DYSF: variants seen among roughly 807,000 people sequenced by gnomAD.
DYSF encodes the protein dystrophy-associated fer-1-like 1.
In DYSF, 212 loss-of-function variants were observed where a neutral mutation model predicts 274.9. That is an observed-to-expected ratio of 0.77 (90% CI 0.69 to 0.86). DYSF has a LOEUF of 0.86. Ranked by LOEUF, DYSF falls within the 40% of genes least tolerant of loss-of-function variation. DYSF has a pLI of 0.00. For missense variants in DYSF, 2,666 were observed against 2,783.2 expected, an observed-to-expected ratio of 0.96 and a Z score of 0.95; for synonymous variants, 1,091 against 1,078.7, an observed-to-expected ratio of 1.01 and a Z score of -0.22.
intron 22 of DYSF, among the ~76,000 whole-genome samples, chr2:71,556,630 A>G (rs2091360715): frequency 6.6e-6 from 1 of 152,178 alleles, no homozygotes; most frequent in African/African-American, 2.4e-5. Flanking sequence ...CTACTTTATA[A>G]TATCTTCTAA....
chr2:71,648,333 G>C (rs894007206), intron 42 of DYSF, among the ~76,000 whole-genome samples: 1 of 152,116 alleles, frequency 6.6e-6, no homozygotes, highest in Non-Finnish European at 1.5e-5. Context: ...AGATGAAAAC[G>C]TGAAGTTGGA....
chr2:71,678,568 G>A (rs1307504130), intron 52 of DYSF, among the ~76,000 whole-genome samples: 1 of 152,130 alleles, frequency 6.6e-6, no homozygotes, highest in African/African-American at 2.4e-5. Context: ...TGGGTGCAGA[G>A]TTTTTGTTTG....
At chr2:71,530,770 T>A (rs920140936) in intron 14 of DYSF, among the ~76,000 whole-genome samples, 1 of 152,178 alleles carries the variant, frequency 6.6e-6, no homozygotes, top group African/African-American at 2.4e-5. Context: ...GCTGCTCTTA[T>A]GGCGTGTCTC....
intron 17 of DYSF, 124 bp downstream of exon 17, chr2:71,539,363 C>T: frequency 1.3e-6 from 1 of 794,998 alleles, no homozygotes; most frequent in African/African-American, 1.7e-5. Context: ...CTCTGTTGCC[C>T]ATTTTCCACT....
intron 17 of DYSF, among the ~76,000 whole-genome samples, chr2:71,543,831 C>G (rs548589889): frequency 3.0e-4 from 46 of 151,452 alleles, no homozygotes; most frequent in African/African-American, 9.5e-4. Flanking sequence ...AGCTTCGGCT[C>G]GGCATCAGAG....
Position 71,526,397 on chromosome 2 carries a change from A to G in DYSF, c.1276+51A>G, listed in dbSNP as rs562890665. ...GAGGTCTGCAGGAGGCTGGAGGCGC[A>G]GGGCTGGTGGGGGTGGGCGATGGCG... On this transcript the variant is annotated intron_variant, in intron 13 of 55. Transcript: ENST00000410020. 1,223 of 609,150 alleles carry G rather than the reference A, an allele frequency of 2.0e-3. 20 individuals are homozygous for G. The South Asian group carries it at 0.025, about 13-fold the overall frequency. 37.7% of individuals were successfully genotyped at this position (609,150 alleles called of 1,614,324 possible). A position where few individuals can be genotyped will look rare whatever the true frequency, so the allele number is the denominator to read the frequency against.
At chr2:71,603,543 T>C (rs906102925) in intron 36 of DYSF, among the ~76,000 whole-genome samples, 2 of 152,182 alleles carry the variant, frequency 1.3e-5, no homozygotes, top group African/African-American at 4.8e-5. Flanking sequence ...GCGGACACTA[T>C]TTGACATTTT....
chr2:71,629,099 G>A (rs227772), intron 41 of DYSF, among the ~76,000 whole-genome samples: 69,497 of 151,998 alleles, frequency 0.46, 16,201 homozygotes, highest in Admixed American at 0.55. Context: ...TGGATATACA[G>A]TGGACCTCTT....
At chr2:71,602,402 T>C (rs1180778907) in intron 35 of DYSF, among the ~76,000 whole-genome samples, 1 of 152,182 alleles carries the variant, frequency 6.6e-6, no homozygotes, top group Non-Finnish European at 1.5e-5. Context: ...CTGGGGGTTC[T>C]AGGTTGGTTC....
At chr2:71,603,943 G>A (rs757368798) in intron 36 of DYSF, among the ~76,000 whole-genome samples, 28 of 152,186 alleles carry the variant, frequency 1.8e-4, no homozygotes, top group Non-Finnish European at 3.1e-4. Flanking sequence ...CTGCAGTCTC[G>A]TCAGAAAGCA....
At chr2:71,666,291 C>G (rs940373739) in intron 47 of DYSF, among the ~76,000 whole-genome samples, 1 of 152,196 alleles carries the variant, frequency 6.6e-6, no homozygotes, top group Non-Finnish European at 1.5e-5. Flanking sequence ...CAACATCTGC[C>G]TGCTTTTACA....
intron 3 of DYSF, among the ~76,000 whole-genome samples, chr2:71,501,332 T>G (rs1243839140): frequency 6.6e-6 from 1 of 152,206 alleles, no homozygotes; most frequent in Non-Finnish European, 1.5e-5. Flanking sequence ...CAGAGTCTGT[T>G]GCTTTCAAGA....
At chr2:71,600,974 C>T (rs1015175422) in intron 34 of DYSF, 132 bp downstream of exon 34, 2 of 1,174,268 alleles carry the variant, frequency 1.7e-6, no homozygotes, top group African/African-American at 1.5e-5. Context: ...AACCCTAAGT[C>T]AGGACACCAT....
chr2:71,555,636 T>A (rs2152795470), intron 21 of DYSF, among the ~76,000 whole-genome samples: 1 of 152,198 alleles, frequency 6.6e-6, no homozygotes, highest in African/African-American at 2.4e-5. Flanking sequence ...GCCACTTACC[T>A]GTGGGAAGCC....
chr2:71,518,994 G>A (rs1048423559), intron 10 of DYSF, among the ~76,000 whole-genome samples: 4 of 150,506 alleles, frequency 2.7e-5, no homozygotes, highest in Non-Finnish European at 4.4e-5. Flanking sequence ...TCAGGAGGCC[G>A]AGGCAGGAGA....
At chr2:71,486,841 C>A (rs1399672507) in intron 3 of DYSF, among the ~76,000 whole-genome samples, 3 of 152,224 alleles carry the variant, frequency 2.0e-5, no homozygotes, top group African/African-American at 7.2e-5. Flanking sequence ...CTGTTCCAGG[C>A]TGCACTGGAC....
intron 12 of DYSF, among the ~76,000 whole-genome samples, chr2:71,525,090 C>T (rs893748785): frequency 9.2e-5 from 14 of 152,218 alleles, no homozygotes; most frequent in Admixed American, 5.9e-4. Context: ...TTCTCAGCCT[C>T]TGTTGCTAGT....
At chr2:71,577,043 C>A (rs962780506) in intron 30 of DYSF, 1 of 152,496 alleles carries the variant, frequency 6.6e-6, no homozygotes, top group Non-Finnish European at 1.5e-5. Context: ...GCTTGGCTGG[C>A]AGAGAGAACC....
At chr2:71,546,806 G>A (rs967310318) in intron 17 of DYSF, among the ~76,000 whole-genome samples, 2 of 152,278 alleles carry the variant, frequency 1.3e-5, no homozygotes, top group African/African-American at 4.8e-5. Context: ...GCAAGCGAGA[G>A]TCAGGCAGCC....
Sources: allele counts gnomAD v4.1 joint callset (sites outside exome capture counted in the v4.1 genomes callset), GRCh38; gene constraint gnomAD v4.1.1; transcripts MANE v1.5; gene names NCBI Gene and HGNC (gene_info 2026-07-23, HGNC 2026-07-21).